The following KIAA0232 variants were observed in gnomAD, a reference collection of about 807,000 sequenced individuals.
KIAA0232 encodes the protein uncharacterized protein KIAA0232.
KIAA0232 carries 27 observed loss-of-function variants against 122.0 expected under a neutral mutation model. The ratio of observed to expected loss-of-function variants is 0.22; its 90% confidence interval spans 0.16 to 0.31. The LOEUF (loss-of-function observed/expected upper bound fraction) is 0.31. Among genes scored for constraint, KIAA0232 ranks in the 10% least tolerant of loss-of-function variants. The pLI, the probability that KIAA0232 is intolerant of heterozygous loss-of-function variation, is 1.00. For synonymous variants in KIAA0232, 613 were observed against 587.6 expected (o/e 1.04, Z -0.63); for missense variants, 1,551 against 1,634.2 (o/e 0.95, Z 0.88).
chr4:6,856,535 C>T lies in KIAA0232; in HGVS notation c.370-629C>T, dbSNP rs564540395. Among the ~76,000 whole-genome samples the T allele has an allele frequency of 2.6e-5, 4 of 152,186 alleles. No individual in the cohort carries two copies. In the South Asian group the frequency reaches 6.2e-4, roughly 24 times the overall value. On this transcript the variant is annotated intron_variant, in intron 4 of 9. Coordinates refer to ENST00000307659, the MANE Select transcript of KIAA0232 (RefSeq NM_014743.3). Reference sequence around the variant, plus strand: ...AATCCAGACTCTTCTATGTACTCTCCTTAAATTTTAAACTCCCAAGCTTTG... The same window carrying T: ...AATCCAGACTCTTCTATGTACTCTCTTTAAATTTTAAACTCCCAAGCTTTG...
chr4:6,877,781 C>G (rs1560214178), intron 9 of KIAA0232, among the ~76,000 whole-genome samples: 2 of 152,134 alleles, frequency 1.3e-5, no homozygotes, highest in South Asian at 2.1e-4. Context: ...TCCCAGCCCA[C>G]TGGATCAAAT....
intron 2 of KIAA0232, among the ~76,000 whole-genome samples, chr4:6,820,219 A>G (rs1337888788): frequency 6.6e-6 from 1 of 152,162 alleles, no homozygotes; most frequent in Non-Finnish European, 1.5e-5. Flanking sequence ...TACCCAGGTA[A>G]CAAACTTGCA....
intron 1 of KIAA0232, among the ~76,000 whole-genome samples, chr4:6,786,262 T>C (rs760066524): frequency 6.6e-6 from 1 of 152,216 alleles, no homozygotes; most frequent in Admixed American, 6.5e-5. Context: ...ATAAAGTATA[T>C]TTATTTTTAT....
intron 3 of KIAA0232, among the ~76,000 whole-genome samples, chr4:6,827,376 G>T (rs952080668): frequency 6.6e-6 from 1 of 152,172 alleles, no homozygotes; most frequent in Non-Finnish European, 1.5e-5. Flanking sequence ...AGTGGAAGGG[G>T]CCTTAGCTTC....
Position 6,862,092 on chromosome 4 carries a change from T to C in KIAA0232, c.1710T>C (p.Ser570=), listed in dbSNP as rs753368742. 1 of 1,614,212 alleles carries C rather than the reference T, an allele frequency of 6.2e-7. No homozygotes were observed. Among genetic ancestry groups the C allele is most frequent in the South Asian group, 1.1e-5 (1 of 91,086 alleles). The part of the protein sequence containing the change: ...LQGERAIWTD[S]TSSVGAEGLF... ...GGGAACGTGCAATATGGACAGATTCTACCAGCTCCGTAGGTGCTGAGGGCT... is the reference window on the plus strand; with the variant it reads ...GGGAACGTGCAATATGGACAGATTCCACCAGCTCCGTAGGTGCTGAGGGCT... The change falls in exon 7 of 10, where the codon TCT becomes TCC. Residue 570 remains serine (S), a synonymous_variant. Coordinates refer to ENST00000307659, the MANE Select transcript of KIAA0232 (RefSeq NM_014743.3).
chr4:6,862,099 T>C lies in KIAA0232; in HGVS notation c.1717T>C (p.Ser573Pro). Residue 573 changes from serine (S) to proline (P), a missense_variant, in exon 7 of 10, where the codon TCC becomes CCC. Transcript: ENST00000307659. Reference protein sequence around the residue: ...ERAIWTDSTSSVGAEGLFLQD... With the variant: ...ERAIWTDSTSPVGAEGLFLQD... ...TGCAATATGGACAGATTCTACCAGC[T>C]CCGTAGGTGCTGAGGGCTTATTCCT... 3 of 1,614,174 alleles carry C rather than the reference T, an allele frequency of 1.9e-6. No individual in the cohort carries two copies. Among genetic ancestry groups the C allele is most frequent in the Non-Finnish European group, 2.5e-6 (3 of 1,180,024 alleles).
chr4:6,821,222 A>G (rs1043970149), intron 2 of KIAA0232, among the ~76,000 whole-genome samples: 2 of 152,000 alleles, frequency 1.3e-5, no homozygotes, highest in African/African-American at 4.8e-5. Context: ...TTTGCTTTTT[A>G]TTTTTATTTT....
chr4:6,787,529 A>G (rs1171514718), intron 1 of KIAA0232, among the ~76,000 whole-genome samples: 1 of 152,162 alleles, frequency 6.6e-6, no homozygotes, highest in African/African-American at 2.4e-5. Context: ...GCTTTATAGC[A>G]TTTTTGTCCT....
chr4:6,862,855 A>AT lies in KIAA0232; in HGVS notation c.2475dup (p.Lys826Ter). 1 of 1,614,218 alleles carries AT rather than the reference A, an allele frequency of 6.2e-7. No homozygotes were observed. The highest frequency in any genetic ancestry group is 8.5e-7 in the Non-Finnish European group (1 of 1,180,026). On this transcript the variant is annotated frameshift_variant, in exon 7 of 10. Transcript: ENST00000307659. LOFTEE classifies it high-confidence loss of function. Reference sequence around the variant, plus strand: ...TGGAGATGGCTACAGCTCAGGGGTTATTAAAGACATTTGGACAAAGATGGC... The same window carrying AT: ...TGGAGATGGCTACAGCTCAGGGGTTATTTAAAGACATTTGGACAAAGATGGC...
Position 6,824,589 on chromosome 4 carries a change from G to T in KIAA0232, c.136G>T (p.Glu46Ter), listed in dbSNP as rs1718581688. 1 of 1,614,102 alleles carries T rather than the reference G, an allele frequency of 6.2e-7. No homozygotes were observed. The highest frequency in any genetic ancestry group is 8.5e-7 in the Non-Finnish European group (1 of 1,180,046). The change falls in exon 3 of 10, where the codon GAG becomes TAG. Residue 46 changes from glutamate to a stop codon, truncating the protein, a stop_gained. Coordinates refer to ENST00000307659, the MANE Select transcript of KIAA0232 (RefSeq NM_014743.3). LOFTEE classifies it high-confidence loss of function. The stretch of plus-strand genomic sequence containing the variant: ...TCCAGTGCAGACCTGGCTGGGACAA[G>T]AGCTCGAGAAATGTGGCATTGATGC... ...LGPVQTWLGQ[E>*]LEKCGIDAMI...
chr4:6,798,509 A>G (rs139374537), intron 1 of KIAA0232, among the ~76,000 whole-genome samples: 3 of 152,242 alleles, frequency 2.0e-5, no homozygotes, highest in Admixed American at 6.5e-5. Context: ...AAGCTTAAAT[A>G]TGTCATGCTT....
chr4:6,844,737 G>C (rs1184775445), intron 4 of KIAA0232, among the ~76,000 whole-genome samples: 1 of 152,152 alleles, frequency 6.6e-6, no homozygotes, highest in Non-Finnish European at 1.5e-5. Flanking sequence ...TGCCTGGCCA[G>C]CTTCTTAATT....
At chr4:6,840,785 TG>T in intron 3 of KIAA0232, among the ~76,000 whole-genome samples, 1 of 151,976 alleles carries the variant, frequency 6.6e-6, no homozygotes, top group South Asian at 2.1e-4. Flanking sequence ...CCCAAAGTGC[TG>T]GGATTACAGA....
At chr4:6,851,662 G>A (rs1167160108) in intron 4 of KIAA0232, among the ~76,000 whole-genome samples, 6 of 147,630 alleles carry the variant, frequency 4.1e-5, no homozygotes, top group African/African-American at 1.5e-4. Context: ...GATATGGTGA[G>A]CTGTGATCAT....
Position 6,807,032 on chromosome 4 carries a change from G to GTCTGTCTATCTATCTA in KIAA0232, c.-270+2429_-270+2430insGTCTATCTATCTATCT, listed in dbSNP as rs750617409. 3.2e-3 allele frequency among the ~76,000 whole-genome samples: 470 copies of GTCTGTCTATCTATCTA among 145,856 alleles called. 3 individuals are homozygous for GTCTGTCTATCTATCTA. The highest frequency in any genetic ancestry group is 9.0e-3 in the African/African-American group (349 of 38,924). On this transcript the variant is annotated intron_variant, in intron 2 of 9. Transcript: ENST00000307659. ...GTTTTTCCTTTTTGTCTGTCTGTCT[G>GTCTGTCTATCTATCTA]TCTATCTATCTATCTATCTATCTAT...
chr4:6,816,590 G>T (rs1233334299), intron 2 of KIAA0232, among the ~76,000 whole-genome samples: 1 of 152,046 alleles, frequency 6.6e-6, no homozygotes, highest in Non-Finnish European at 1.5e-5. Context: ...CCTGTTTCTT[G>T]TAATATCTTT....
At chr4:6,826,770 A>G (rs1313792731) in intron 3 of KIAA0232, among the ~76,000 whole-genome samples, 2 of 152,162 alleles carry the variant, frequency 1.3e-5, no homozygotes, top group African/African-American at 4.8e-5. Flanking sequence ...TATGTCAGCT[A>G]TTTTCAGTCT....
intron 3 of KIAA0232, among the ~76,000 whole-genome samples, chr4:6,839,928 G>C (rs1719554184): frequency 6.6e-6 from 1 of 152,086 alleles, no homozygotes; most frequent in Non-Finnish European, 1.5e-5. Context: ...TCATTTTTTA[G>C]GGGCAAATAG....
intron 7 of KIAA0232, among the ~76,000 whole-genome samples, chr4:6,867,780 A>G (rs1267788228): frequency 1.3e-5 from 2 of 152,136 alleles, no homozygotes; most frequent in Non-Finnish European, 2.9e-5. Context: ...GCCCATGTAG[A>G]CCTCATGCGG....
Sources: allele counts gnomAD v4.1 joint callset (sites outside exome capture counted in the v4.1 genomes callset), GRCh38; gene constraint gnomAD v4.1.1; transcripts MANE v1.5; gene names NCBI Gene and HGNC (gene_info 2026-07-23, HGNC 2026-07-21).